Variants in NOM1 observed in about 807,000 individuals in gnomAD.
NOM1 encodes the protein nucleolar MIF4G domain-containing protein 1.
NOM1 carries 58 observed loss-of-function variants against 73.3 expected under a neutral mutation model. The observed-to-expected ratio is 0.79, with a 90% CI of 0.64 to 0.99. The LOEUF (loss-of-function observed/expected upper bound fraction) is 0.99. Ranked by LOEUF, NOM1 falls within the 50% of genes least tolerant of loss-of-function variation. The pLI is 0.00. For synonymous variants in NOM1, 487 were observed against 446.8 expected (o/e 1.09, Z -1.14); for missense variants, 1,226 against 1,131.9 (o/e 1.08, Z -1.19).
intron 3 of NOM1, among the ~76,000 whole-genome samples, chr7:156,954,522 C>CTTTTTTT (rs34176770): frequency 1.8e-4 from 18 of 101,640 alleles, no homozygotes; most frequent in African/African-American, 5.9e-4. Context: ...TCTGTCCATT[C>CTTTTTTT]TTTTTTTTTT....
At chr7:156,956,124 C>T (rs1172200280) in intron 3 of NOM1, among the ~76,000 whole-genome samples, 3 of 150,756 alleles carry the variant, frequency 2.0e-5, no homozygotes, top group African/African-American at 4.9e-5. Flanking sequence ...ACCCAGCAGG[C>T]GGAGTTTGCA....
Position 156,969,188 on chromosome 7 carries a change from T to C in NOM1, c.2400T>C (p.Ile800=). 6.7e-7 allele frequency: 1 copy of C among 1,501,538 alleles called. No homozygotes were observed. Among genetic ancestry groups the C allele is most frequent in the Non-Finnish European group, 9.3e-7 (1 of 1,076,814 alleles). The allele number at this position is 1,501,538 out of a possible 1,614,324, so 93.0% of individuals were successfully genotyped here. ...CAGAAGTTGAAGACCTCAGTTTAAT[T>C]TTCACAAGGTATGTGCCCCACCCTT... ...METEVEDLSL[I]FTRVSDNPKL... is the part of the protein sequence containing the mutation. Residue 800 remains isoleucine, a synonymous_variant, in exon 10 of 11, where the codon ATT becomes ATC. Coordinates refer to ENST00000275820, the MANE Select transcript of NOM1 (RefSeq NM_138400.2).
chr7:156,964,914 G>A (rs1045343086), intron 7 of NOM1, among the ~76,000 whole-genome samples: 3 of 152,148 alleles, frequency 2.0e-5, no homozygotes, highest in Non-Finnish European at 2.9e-5. Flanking sequence ...CTTTGTACTC[G>A]AAGGACTTCG....
intron 3 of NOM1, among the ~76,000 whole-genome samples, chr7:156,956,461 C>G (rs1236304498): frequency 2.0e-5 from 3 of 152,216 alleles, no homozygotes; most frequent in Non-Finnish European, 2.9e-5. Context: ...TATTTATGTA[C>G]AGAAGGAGAT....
At chr7:156,954,542 T>TTTTTTTTTTTTTTTTTTTTTTG in intron 3 of NOM1, among the ~76,000 whole-genome samples, 1 of 70,074 alleles carries the variant, frequency 1.4e-5, no homozygotes, top group Non-Finnish European at 3.2e-5. Flanking sequence ...TTTTTTTTTT[T>TTTTTTTTTTTTTTTTTTTTTTG]GAGACAGGGT....
rs1467887923 is a variant in NOM1 at position 156,950,369 on chromosome 7, T to A, written c.632T>A (p.Phe211Tyr). 1 of 1,614,020 alleles carries A rather than the reference T, an allele frequency of 6.2e-7. No individual in the cohort carries two copies. Among genetic ancestry groups the A allele is most frequent in the African/African-American group, 1.3e-5 (1 of 74,896 alleles). Residue 211 changes from phenylalanine to tyrosine, a missense_variant, in exon 1 of 11, where the codon TTT (phenylalanine) becomes TAT (tyrosine). Coordinates refer to ENST00000275820, the MANE Select transcript of NOM1 (RefSeq NM_138400.2). ...GGCAGCAGCTCCGTGCCGCTGAGCT[T>A]TGCACGCGACGGTCTTGACTATATT... ...KDGSSSVPLS[F>Y]ARDGLDYILG...
chr7:156,957,774 C>CAAAAAAAAA (rs10549596), intron 3 of NOM1, among the ~76,000 whole-genome samples: 10 of 115,536 alleles, frequency 8.7e-5, no homozygotes, highest in African/African-American at 1.7e-4. Context: ...GACTCCGTCT[C>CAAAAAAAAA]AAAAAAAAAA....
rs1245617274 is a variant in NOM1, at chr7:156,950,565, A to C, written c.828A>C (p.Ala276=). 1.9e-6 allele frequency: 3 copies of C among 1,608,010 alleles called. No individual in the cohort carries two copies. The highest frequency in any genetic ancestry group is 2.5e-6 in the Non-Finnish European group (3 of 1,176,736). ...AAAAGGAAAAGAAGGCGCAGGAAGC[A>C]GAAGCGCAGAGCGAGGACGACGACG... ...DVEKEKKAQE[A]EAQSEDDDED... Residue 276 remains alanine (A), a synonymous_variant, in exon 1 of 11, where the codon GCA becomes GCC. Coordinates refer to ENST00000275820, the MANE Select transcript of NOM1 (RefSeq NM_138400.2).
intron 3 of NOM1, among the ~76,000 whole-genome samples, chr7:156,954,827 T>C (rs540405008): frequency 6.6e-6 from 1 of 152,320 alleles, no homozygotes; most frequent in South Asian, 2.1e-4. Context: ...CAGCCTAGCA[T>C]GTCTTTTATG....
At chr7:156,963,291 A>G (rs1316404763) in intron 6 of NOM1, 116 bp downstream of exon 6, 2 of 1,052,072 alleles carry the variant, frequency 1.9e-6, no homozygotes, top group Non-Finnish European at 2.9e-6. Flanking sequence ...TGAAATGTAC[A>G]AGGTTTATCT....
intron 7 of NOM1, 21 bp downstream of exon 7, chr7:156,964,047 T>G: frequency 1.9e-6 from 3 of 1,607,262 alleles, no homozygotes; most frequent in Non-Finnish European, 2.5e-6. Flanking sequence ...GTGTGCACAT[T>G]TTGACCTATT....
intron 1 of NOM1, 96 bp from the exon 2 acceptor site, chr7:156,952,378 C>G: frequency 7.5e-7 from 1 of 1,334,610 alleles, no homozygotes; most frequent in Non-Finnish European, 1.0e-6. Context: ...TCCACCAGTT[C>G]TTGGAAGTTT....
intron 8 of NOM1, among the ~76,000 whole-genome samples, chr7:156,966,641 T>A (rs1805005695): frequency 6.6e-6 from 1 of 152,184 alleles, no homozygotes; most frequent in Non-Finnish European, 1.5e-5. Flanking sequence ...ATGCAGGCAG[T>A]GTGGCCAGGC....
At chr7:156,964,248 A>G (rs1379786851) in intron 7 of NOM1, 1 of 294,388 alleles carries the variant, frequency 3.4e-6, no homozygotes, top group Admixed American at 4.8e-5. Flanking sequence ...ACATTTTATG[A>G]TATATAAAGA....
At chr7:156,953,262 T>C (rs935487664) in intron 2 of NOM1, among the ~76,000 whole-genome samples, 1 of 152,184 alleles carries the variant, frequency 6.6e-6, no homozygotes, top group African/African-American at 2.4e-5. Flanking sequence ...CCTGAGTAGC[T>C]GGGATTACAG....
intron 4 of NOM1, 152 bp from the exon 5 acceptor site, chr7:156,961,999 G>C (rs1306053827): frequency 7.5e-6 from 5 of 665,174 alleles, no homozygotes; most frequent in Admixed American, 6.7e-5. Flanking sequence ...GCTGAGACTA[G>C]TTTAGACTGT....
intron 9 of NOM1, among the ~76,000 whole-genome samples, chr7:156,968,359 C>T (rs951746167): frequency 2.6e-5 from 4 of 152,160 alleles, no homozygotes; most frequent in East Asian, 1.9e-4. Flanking sequence ...GCTCTCATTC[C>T]GAGTTTCTCT....
In NOM1 at chr7:156,963,127, G is replaced by T; in HGVS notation, c.1863G>T (p.Met621Ile). 6.2e-7 allele frequency: 1 copy of T among 1,614,170 alleles called. No homozygotes were observed. Among genetic ancestry groups the T allele is most frequent in the Non-Finnish European group, 8.5e-7 (1 of 1,180,034 alleles). The change falls in exon 6 of 11, where the codon ATG becomes ATT. Residue 621 changes from methionine to isoleucine, a missense_variant. Physicochemically the swap from Met to Ile is conservative, Grantham distance 10. Transcript: ENST00000275820. ...IVGSAWSGAP[M>I]IDNSHHTHLQ... ...GGTCCGCCTGGAGTGGGGCCCCGAT[G>T]ATCGACAACAGTCACCATACGCACC...
intron 3 of NOM1, among the ~76,000 whole-genome samples, chr7:156,954,522 CTTTTTTTTTT>C (rs34176770): frequency 7.9e-5 from 8 of 101,660 alleles, no homozygotes; most frequent in African/African-American, 3.2e-4. Context: ...TCTGTCCATT[CTTTTTTTTTT>C]TTTTTTTTTT....
Sources: allele counts gnomAD v4.1 joint callset (sites outside exome capture counted in the v4.1 genomes callset), GRCh38; gene constraint gnomAD v4.1.1; transcripts MANE v1.5; gene names NCBI Gene and HGNC (gene_info 2026-07-23, HGNC 2026-07-21).